SYT1: variants seen among roughly 807,000 people sequenced by gnomAD.
SYT1 encodes synaptotagmin 1, also known as synaptotagmin-1.
Under a neutral mutation model 44.8 loss-of-function variants are expected in SYT1, and 8 were observed. The observed-to-expected ratio is 0.18, with a 90% CI of 0.10 to 0.32. The LOEUF is 0.32. Among genes scored for constraint, SYT1 ranks in the 10% least tolerant of loss-of-function variants. The probability of loss-of-function intolerance (pLI) is 1.00; values close to 1 mark genes in which losing one functional copy is unlikely to be tolerated. For synonymous variants in SYT1, 154 were observed against 188.8 expected (o/e 0.82, Z 1.51); for missense variants, 286 against 509.3 (o/e 0.56, Z 4.22).
chr12:79,279,717 C>T (rs988225828), intron 4 of SYT1, among the ~76,000 whole-genome samples: 1 of 151,980 alleles, frequency 6.6e-6, no homozygotes, highest in Non-Finnish European at 1.5e-5. Flanking sequence ...GTCAAACTGT[C>T]TCTGTTGGCT....
intron 3 of SYT1, among the ~76,000 whole-genome samples, chr12:79,124,144 C>G (rs1442582296): frequency 2.0e-5 from 3 of 152,180 alleles, no homozygotes; most frequent in Non-Finnish European, 2.9e-5. Context: ...AAAATTCATC[C>G]TCTAAAAGCT....
At chr12:79,361,124 C>T (rs534970758) in intron 9 of SYT1, among the ~76,000 whole-genome samples, 4 of 152,300 alleles carry the variant, frequency 2.6e-5, no homozygotes, top group South Asian at 4.1e-4. Flanking sequence ...GTGCCAGGCA[C>T]CATGCCAGTC....
chr12:79,286,019 A>G, intron 5 of SYT1, 48 bp downstream of exon 5: 1 of 1,549,344 alleles, frequency 6.5e-7, no homozygotes, highest in Non-Finnish European at 8.7e-7. Flanking sequence ...AAAAAAGATA[A>G]ACAAATGTAT....
In SYT1 at chr12:78,961,436, C is replaced by G. The variant is rs1879498720; in HGVS notation, c.-216-16363C>G. Among the ~76,000 whole-genome samples the G allele has an allele frequency of 2.6e-5, 4 of 152,026 alleles. No homozygotes were observed. In the South Asian group the frequency reaches 8.3e-4, roughly 32 times the overall value. On this transcript the variant is annotated intron_variant, in intron 1 of 10. Coordinates refer to ENST00000261205, the MANE Select transcript of SYT1 (RefSeq NM_005639.3). Reference sequence around the variant, plus strand: ...TTCCACACTTTAAATAGTTCTTACCCTCTTAAATTCTAATGATGCAAGATT... The same window carrying G: ...TTCCACACTTTAAATAGTTCTTACCGTCTTAAATTCTAATGATGCAAGATT...
At chr12:79,150,296 GCAA>G (rs998922111) in intron 3 of SYT1, among the ~76,000 whole-genome samples, 1 of 152,144 alleles carries the variant, frequency 6.6e-6, no homozygotes, top group Non-Finnish European at 1.5e-5. Flanking sequence ...TCTGTCATTT[GCAA>G]CAACATGAAT....
intron 1 of SYT1, among the ~76,000 whole-genome samples, chr12:78,942,373 C>T (rs1048118657): frequency 2.0e-5 from 3 of 152,162 alleles, no homozygotes; most frequent in African/African-American, 7.2e-5. Context: ...ATAATTATAA[C>T]TAATCCAACG....
chr12:79,038,771 T>C (rs1319856419), intron 2 of SYT1, among the ~76,000 whole-genome samples: 1 of 151,984 alleles, frequency 6.6e-6, no homozygotes, highest in Non-Finnish European at 1.5e-5. Context: ...ATAGTGTTTA[T>C]AAGTAGCCAT....
rs186918487 is a variant in SYT1, at chr12:79,365,036, C to T, written c.928+11417C>T. On this transcript the variant is annotated intron_variant, in intron 9 of 10. Transcript: ENST00000261205. The stretch of plus-strand genomic sequence containing the variant: ...AAATAAAGTTAATCCACAACCCCAC[C>T]ACTTCTTTTCATACATAAGTAAAAA... Among the ~76,000 whole-genome samples the T allele has an allele frequency of 5.0e-3, 763 of 152,142 alleles. 29 individuals carry two copies. The highest frequency in any genetic ancestry group is 1.0e-3 in the Non-Finnish European group (69 of 67,972).
In SYT1 at chr12:78,952,177, T is replaced by C. The variant is rs930421040; in HGVS notation, c.-216-25622T>C. Among the ~76,000 whole-genome samples the C allele has an allele frequency of 4.6e-5, 7 of 152,126 alleles. No individual in the cohort carries two copies. The East Asian group carries it at 1.4e-3, about 29-fold the overall frequency. On this transcript the variant is annotated intron_variant, in intron 1 of 10. Coordinates refer to ENST00000261205, the MANE Select transcript of SYT1 (RefSeq NM_005639.3). The stretch of plus-strand genomic sequence containing the variant: ...AATGGAGATAATTGGAATTATGCAA[T>C]ACTCAGCGCTTCAGTTTGGCATCAG...
At chr12:79,113,946 C>T (rs183029142) in intron 3 of SYT1, among the ~76,000 whole-genome samples, 11 of 152,214 alleles carry the variant, frequency 7.2e-5, no homozygotes, top group Non-Finnish European at 1.0e-4. Flanking sequence ...TGCCTCCATC[C>T]GTTCATTCAA....
intron 1 of SYT1, among the ~76,000 whole-genome samples, chr12:78,887,920 A>T (rs1440449298): frequency 6.6e-6 from 1 of 151,908 alleles, no homozygotes; most frequent in Non-Finnish European, 1.5e-5. Flanking sequence ...CACTGTTAAG[A>T]TTTAAATAAT....
At chr12:78,922,134 G>A (rs867702669) in intron 1 of SYT1, among the ~76,000 whole-genome samples, 2 of 151,774 alleles carry the variant, frequency 1.3e-5, no homozygotes, top group Non-Finnish European at 2.9e-5. Flanking sequence ...AATAAAATAA[G>A]GTTTTATGAA....
intron 4 of SYT1, among the ~76,000 whole-genome samples, chr12:79,257,703 G>A (rs184998709): frequency 6.6e-5 from 10 of 152,302 alleles, no homozygotes; most frequent in African/African-American, 2.4e-4. Context: ...TAGCCAGGAT[G>A]ATCTCGATCT....
At chr12:78,934,218 G>A (rs562968845) in intron 1 of SYT1, among the ~76,000 whole-genome samples, 276 of 151,784 alleles carry the variant, frequency 1.8e-3, no homozygotes, top group African/African-American at 6.0e-3. Context: ...GTCTGGCTGT[G>A]TCCCCATCCA....
chr12:78,944,977 C>A (rs1878572947), intron 1 of SYT1, among the ~76,000 whole-genome samples: 1 of 152,142 alleles, frequency 6.6e-6, no homozygotes, highest in Non-Finnish European at 1.5e-5. Context: ...GTTGCAGAGA[C>A]AAACTGTACT....
chr12:79,352,214 G>GA (rs1882940306), intron 8 of SYT1, among the ~76,000 whole-genome samples: 1 of 151,820 alleles, frequency 6.6e-6, no homozygotes, highest in African/African-American at 2.4e-5. Context: ...AAACGGGGGG[G>GA]AATTACATTT....
At chr12:79,055,441 A>G (rs1452121809) in intron 3 of SYT1, among the ~76,000 whole-genome samples, 5 of 152,062 alleles carry the variant, frequency 3.3e-5, no homozygotes, top group Non-Finnish European at 7.4e-5. Flanking sequence ...TAAGACTTTA[A>G]ATCAAATGAT....
At chr12:79,296,982 A>G (rs944765234) in intron 7 of SYT1, among the ~76,000 whole-genome samples, 1 of 152,182 alleles carries the variant, frequency 6.6e-6, no homozygotes, top group Non-Finnish European at 1.5e-5. Context: ...TTAGAACAAT[A>G]TGTTTCTGAA....
intron 2 of SYT1, among the ~76,000 whole-genome samples, chr12:78,982,476 A>T (rs73351423): frequency 0.013 from 2,043 of 152,282 alleles, 47 homozygotes; most frequent in African/African-American, 0.044. Flanking sequence ...GGAATTTTTC[A>T]ATATCAAGCA....
Sources: allele counts gnomAD v4.1 joint callset (sites outside exome capture counted in the v4.1 genomes callset), GRCh38; gene constraint gnomAD v4.1.1; transcripts MANE v1.5; gene names NCBI Gene and HGNC (gene_info 2026-07-23, HGNC 2026-07-21).